The following RPS9 variants were observed in gnomAD, a reference collection of about 807,000 sequenced individuals.
RPS9 encodes the protein small ribosomal subunit protein uS4.
A neutral mutation model predicts 16.9 loss-of-function variants in RPS9; 1 was observed. The ratio of observed to expected loss-of-function variants is 0.06; its 90% CI spans 0.02 to 0.28. The LOEUF (loss-of-function observed/expected upper bound fraction) is 0.28, where lower values mean the gene tolerates loss of function less well. Among genes scored for constraint, RPS9 ranks in the 10% least tolerant of loss-of-function variants. The pLI, the probability that RPS9 is intolerant of heterozygous loss-of-function variation, is 1.00. For synonymous variants in RPS9, 106 were observed against 110.9 expected (o/e 0.96, Z 0.28); for missense variants, 137 against 273.2 (o/e 0.50, Z 3.51).
At chr19:54,206,251 C>T in intron 3 of RPS9, 25 bp from the exon 4 acceptor site, 1 of 1,605,988 alleles carries the variant, frequency 6.2e-7, no homozygotes, top group Non-Finnish European at 8.5e-7. Flanking sequence ...AAGGCGGAAT[C>T]AGTGTTTCCT....
intron 4 of RPS9, chr19:54,206,769 A>C: frequency 2.1e-6 from 3 of 1,428,162 alleles, no homozygotes; most frequent in Non-Finnish European, 1.8e-6. Context: ...AACCAGCCTC[A>C]CCTCGCTTGG....
chr19:54,203,865 T>C (rs571363076), intron 3 of RPS9, among the ~76,000 whole-genome samples: 1 of 149,460 alleles, frequency 6.7e-6, no homozygotes, highest in African/African-American at 2.5e-5. Context: ...CTAACTGCCT[T>C]GTATGATGAC....
chr19:54,203,080 C>T, intron 3 of RPS9: 1 of 985,162 alleles, frequency 1.0e-6, no homozygotes, highest in Non-Finnish European at 1.2e-6. Flanking sequence ...GATACTGATG[C>T]TGGGTGGGAA....
chr19:54,202,538 A>C (rs938759600), intron 3 of RPS9: 1 of 979,354 alleles, frequency 1.0e-6, no homozygotes, highest in Non-Finnish European at 1.2e-6. Flanking sequence ...ACATAGACTT[A>C]GGCTTACTTT....
intron 2 of RPS9, 76 bp from the exon 3 acceptor site, chr19:54,201,411 G>A: frequency 6.2e-7 from 1 of 1,608,618 alleles, no homozygotes. Context: ...GGAAGGTTTT[G>A]TGATTCCAAA....
chr19:54,201,164 A>G lies in RPS9; in HGVS notation c.-21A>G, dbSNP rs761149365. 4 of 1,599,308 alleles carry G rather than the reference A, an allele frequency of 2.5e-6. No homozygotes were observed. The South Asian group carries it at 3.3e-5, about 13-fold the overall frequency. ...TCACACTTCTCTCCCGCGCAGGCGC[A>G]GACGGGGAAGCGGAGCCAACATGCC... On this transcript the variant is annotated 5_prime_UTR_variant, in exon 2 of 5. Coordinates refer to ENST00000302907, the MANE Select transcript of RPS9 (RefSeq NM_001013.4).
intron 3 of RPS9, among the ~76,000 whole-genome samples, chr19:54,204,979 C>T (rs1316291283): frequency 1.3e-5 from 2 of 152,184 alleles, no homozygotes; most frequent in Non-Finnish European, 2.9e-5. Context: ...AACTTTGGGT[C>T]CTCACAAAGT....
chr19:54,205,511 G>A (rs12983496), intron 3 of RPS9, among the ~76,000 whole-genome samples: 46,359 of 151,718 alleles, frequency 0.31, 8,326 homozygotes, highest in East Asian at 0.43. Context: ...CTTAAAAGAT[G>A]TAGATACTGC....
Position 54,201,417 on chromosome 19 carries a change from C to G in RPS9, c.98-70C>G, listed in dbSNP as rs772783652. The G allele has an allele frequency of 5.0e-6, 8 of 1,608,866 alleles. No individual in the cohort carries two copies. In the African/African-American group the frequency reaches 8.0e-5, roughly 16 times the overall value. Reference sequence around the variant, plus strand: ...CGTGGTTTAGGAAGGTTTTGTGATTCCAAAGCTGCCAGTCTAGTTGTTGTG... The same window carrying G: ...CGTGGTTTAGGAAGGTTTTGTGATTGCAAAGCTGCCAGTCTAGTTGTTGTG... On this transcript the variant is annotated intron_variant, in intron 2 of 4. Transcript: ENST00000302907.
chr19:54,207,039 ATT>A, intron 4 of RPS9: 1 of 439,232 alleles, frequency 2.3e-6, no homozygotes, highest in Non-Finnish European at 4.1e-6. Flanking sequence ...TATTGTGGGC[ATT>A]GCTGCTGCAC....
chr19:54,202,053 G>C (rs774035160), intron 3 of RPS9: 18 of 158,990 alleles, frequency 1.1e-4, no homozygotes, highest in Non-Finnish European at 2.8e-5. Flanking sequence ...ACGGAGTCTT[G>C]CTCTGTTGCC....
At position 54,200,897 on chromosome 19, in the gene RPS9, C is replaced by T. The variant is rs895713930; in HGVS notation, c.-26+9C>T. 6.7e-5 allele frequency: 80 copies of T among 1,196,372 alleles called. 1 individual carries two copies. Among genetic ancestry groups the T allele is most frequent in the Middle Eastern group, 3.6e-4 (1 of 2,760 alleles). The allele number at this position is 1,196,372 out of a possible 1,614,324, so 74.1% of individuals were successfully genotyped here. On this transcript the variant is annotated intron_variant, in intron 1 of 4. Coordinates refer to ENST00000302907, the MANE Select transcript of RPS9 (RefSeq NM_001013.4). ...CCGGGTGGTTTGCTTAGGTGAGGTGCGGTGGTGTGCTTTTTCTCTAGGGTT... is the reference window on the plus strand; with the variant it reads ...CCGGGTGGTTTGCTTAGGTGAGGTGTGGTGGTGTGCTTTTTCTCTAGGGTT...
chr19:54,201,478 C>T lies in RPS9; in HGVS notation c.98-9C>T, dbSNP rs150480679. On this transcript the variant is annotated splice_polypyrimidine_tract_variant and intron_variant, in intron 2 of 4. Transcript: ENST00000302907. Reference sequence around the variant, plus strand: ...GGACTACACTTGTCCACCCCCTTCTCCCCACCAGGCGAGTATGGGCTCCGG... The same window carrying T: ...GGACTACACTTGTCCACCCCCTTCTTCCCACCAGGCGAGTATGGGCTCCGG... 28 of 1,613,886 alleles carry T rather than the reference C, an allele frequency of 1.7e-5. No homozygotes were observed. In the East Asian group the frequency reaches 2.7e-4, roughly 15 times the overall value.
At chr19:54,206,656 C>T in intron 4 of RPS9, 194 bp downstream of exon 4, 1 of 1,549,082 alleles carries the variant, frequency 6.5e-7, no homozygotes, top group South Asian at 1.2e-5. Context: ...TAGCCCAGCG[C>T]AAGGGTCACT....
intron 2 of RPS9, 91 bp downstream of exon 2, chr19:54,201,372 C>A: frequency 7.5e-6 from 12 of 1,607,388 alleles, no homozygotes; most frequent in Non-Finnish European, 1.0e-5. Flanking sequence ...TCTAGTCCGT[C>A]CCCTAAATTT....
At chr19:54,202,309 C>T in intron 3 of RPS9, 2 of 468,142 alleles carry the variant, frequency 4.3e-6, no homozygotes, top group South Asian at 1.8e-4. Flanking sequence ...TCTTAGCCTC[C>T]TAAGTAGCTG....
At chr19:54,206,165 A>T in intron 3 of RPS9, 111 bp from the exon 4 acceptor site, 1 of 1,051,566 alleles carries the variant, frequency 9.5e-7, no homozygotes, top group Non-Finnish European at 1.4e-6. Flanking sequence ...GCGCTGTACT[A>T]CTTGTGCCTC....
chr19:54,206,983 T>C (rs1362824198), intron 4 of RPS9: 3 of 435,722 alleles, frequency 6.9e-6, no homozygotes, highest in Non-Finnish European at 8.3e-6. Context: ...GGCAGAGCCT[T>C]GTGTGTCAAT....
chr19:54,206,935 A>C, intron 4 of RPS9: 1 of 492,214 alleles, frequency 2.0e-6, no homozygotes, highest in Non-Finnish European at 3.6e-6. Flanking sequence ...TGCGTTTAGA[A>C]TCTTCGCCCC....
Sources: gnomAD v4.1 joint callset for allele counts (sites outside exome capture counted in the v4.1 genomes callset) on GRCh38, gnomAD v4.1.1 for gene constraint, MANE v1.5 for transcripts, NCBI Gene and HGNC (gene_info 2026-07-23, HGNC 2026-07-21) for gene names.